Variants in CFAP65 observed in about 807,000 individuals in gnomAD.
The protein encoded by CFAP65 is cilia- and flagella-associated protein 65.
In CFAP65, 155 loss-of-function variants were observed where a neutral mutation model predicts 208.0. That is an observed-to-expected ratio of 0.75 (90% confidence interval 0.65 to 0.85). The LOEUF (loss-of-function observed/expected upper bound fraction) is 0.85. CFAP65 is among the 40% of genes least tolerant of loss of function. The pLI is 0.00. For missense variants in CFAP65, 2,294 were observed against 2,451.3 expected (o/e 0.94, Z 1.36); for synonymous variants, 970 against 986.3 (o/e 0.98, Z 0.31).
chr2:219,006,383 A>T, intron 30 of CFAP65, 82 bp downstream of exon 30: 6 of 1,555,348 alleles, frequency 3.9e-6, no homozygotes, highest in Non-Finnish European at 5.3e-6. Flanking sequence ...AGTCTGGTCC[A>T]GGGGTTGGAG....
In CFAP65 at chr2:219,013,948, C is replaced by A; in HGVS notation, c.3699G>T (p.Gln1233His). 3.1e-6 allele frequency: 5 copies of A among 1,613,850 alleles called. No homozygotes were observed. Among genetic ancestry groups the A allele is most frequent in the Non-Finnish European group, 3.4e-6 (4 of 1,179,926 alleles). ...GGCTGATGGAGAAGAGGCAATTGTC[C>A]TGCACGCGCATCTGGTGGAGCTCAG... Reference protein sequence around the residue: ...NSTELHQMRVQDNCLFSISPK... With the variant: ...NSTELHQMRVHDNCLFSISPK... Residue 1233 changes from glutamine to histidine, a missense_variant, in exon 22 of 35, where the codon CAG (glutamine) becomes CAT (histidine). Coordinates refer to ENST00000341552, the MANE Select transcript of CFAP65 (RefSeq NM_194302.4).
chr2:219,021,360 C>T (rs1574590865), intron 18 of CFAP65, 80 bp from the exon 19 acceptor site: 2 of 1,435,954 alleles, frequency 1.4e-6, no homozygotes, highest in African/African-American at 1.4e-5. Context: ...ATACCCTTCC[C>T]TGGGCACCAG....
Position 219,019,711 on chromosome 2 carries a change from C to T in CFAP65, c.3268G>A (p.Ala1090Thr). ...YSLLSHRDNK[A>T]GEKQELCCVS... is the part of the protein sequence containing the mutation. ...CAGCACAGCTCCTGCTTCTCCCCAG[C>T]CTTGTTATCTGGGGAGGGGGGTGAG... Residue 1090 changes from alanine (A) to threonine (T), a missense_variant, in exon 20 of 35, where the codon GCT becomes ACT. Ala to Thr is a moderately conservative substitution (Grantham distance 58). This residue lies in a region of CFAP65 where 1,427 missense variants were observed against 1,438.7 expected (regional missense o/e 0.99). Transcript: ENST00000341552. 6.2e-7 allele frequency: 1 copy of T among 1,612,940 alleles called. No individual in the cohort carries two copies. Among genetic ancestry groups the T allele is most frequent in the Middle Eastern group, 1.7e-4 (1 of 6,014 alleles).
Position 219,009,965 on chromosome 2 carries a change from GC to G in CFAP65, c.4428del (p.Gln1476HisfsTer5), listed in dbSNP as rs1559120795. 1 of 1,612,122 alleles carries G rather than the reference GC, an allele frequency of 6.2e-7. No homozygotes were observed. Among genetic ancestry groups the G allele is most frequent in the Non-Finnish European group, 8.5e-7 (1 of 1,179,352 alleles). On this transcript the variant is annotated frameshift_variant, in exon 27 of 35. Coordinates refer to ENST00000341552, the MANE Select transcript of CFAP65 (RefSeq NM_194302.4). LOFTEE classifies it high-confidence loss of function. ...SKNEEIAFSW[Q>X]PSPLDFGEVS... is the part of the protein sequence containing the mutation. ...ACCTCCCCAAAATCTAGAGGACTTG[GC>G]TGCCAGGAGAAGGCAATTTCCTCGT...
At chr2:219,040,059 ACT>A (rs1948580845) in intron 2 of CFAP65, among the ~76,000 whole-genome samples, 2 of 150,638 alleles carry the variant, frequency 1.3e-5, no homozygotes, top group Non-Finnish European at 3.0e-5. Flanking sequence ...TTTAAGACAG[ACT>A]CTCATTCTGT....
intron 16 of CFAP65, 26 bp downstream of exon 16, chr2:219,023,181 C>G: frequency 6.3e-7 from 1 of 1,584,374 alleles, no homozygotes; most frequent in Non-Finnish European, 8.6e-7. Flanking sequence ...AGGTTGCCGT[C>G]ACTCGGCAGG....
In CFAP65 at chr2:219,024,112, G is replaced by GC. The variant is rs750848836; in HGVS notation, c.2497dup (p.Ala833GlyfsTer12). 1 of 1,613,920 alleles carries GC rather than the reference G, an allele frequency of 6.2e-7. No individual in the cohort carries two copies. Among genetic ancestry groups the GC allele is most frequent in the African/African-American group, 1.3e-5 (1 of 74,940 alleles). On this transcript the variant is annotated frameshift_variant, in exon 15 of 35. Transcript: ENST00000341552. LOFTEE classifies it high-confidence loss of function. ...GGTGCAGATGAGGATGATCTGGTGG[G>GC]CCCCGGGTGCCACAAGGCCCGAAGT...
At chr2:219,006,873 A>G (rs1289621556) in intron 29 of CFAP65, among the ~76,000 whole-genome samples, 1 of 147,318 alleles carries the variant, frequency 6.8e-6, no homozygotes, top group Non-Finnish European at 1.5e-5. Context: ...GGCTAAAGAG[A>G]CTCCCCCATT....
chr2:219,027,352 A>C, intron 13 of CFAP65: 1 of 1,449,358 alleles, frequency 6.9e-7, no homozygotes, highest in Non-Finnish European at 9.1e-7. Context: ...CCTCCTAGCC[A>C]GGAGCCCCAG....
chr2:219,024,332 T>A lies in CFAP65; in HGVS notation c.2350-72A>T. The A allele has an allele frequency of 2.0e-6, 3 of 1,528,966 alleles. No individual in the cohort carries two copies. The Admixed American group carries it at 5.8e-5, about 30-fold the overall frequency. The allele number at this position is 1,528,966 out of a possible 1,614,324, so 94.7% of individuals were successfully genotyped here. On this transcript the variant is annotated intron_variant, in intron 14 of 34. Coordinates refer to ENST00000341552, the MANE Select transcript of CFAP65 (RefSeq NM_194302.4). ...CCTGGGACACACACTCAGGGCCCTA[T>A]GGGGGCTTGGGAGGAGCTGTCTCCA...
Position 219,019,644 on chromosome 2 carries a change from TC to T in CFAP65, c.3334del (p.Asp1112MetfsTer48). On this transcript the variant is annotated frameshift_variant, in exon 20 of 35. Coordinates refer to ENST00000341552, the MANE Select transcript of CFAP65 (RefSeq NM_194302.4). LOFTEE classifies it high-confidence loss of function. ...CTCAGCACTGCCCATGGAGCTGACA[TC>T]CAGGATGGAAAGCAAGGGGTACACG... The part of the protein sequence containing the change: ...VAVYPLLSIL[D>X]VSSMGSAEGI... The T allele has an allele frequency of 6.2e-7, 1 of 1,613,794 alleles. No homozygotes were observed.
At chr2:219,040,440 G>T (rs974765903) in intron 2 of CFAP65, 79 bp downstream of exon 2, 1 of 809,052 alleles carries the variant, frequency 1.2e-6, no homozygotes, top group Non-Finnish European at 2.1e-6. Context: ...AGATTCAGTC[G>T]TTCGTTCATT....
chr2:219,013,273 G>A lies in CFAP65; in HGVS notation c.3943C>T (p.Leu1315=), dbSNP rs1946608274. The A allele has an allele frequency of 1.2e-6, 2 of 1,612,618 alleles. No individual in the cohort carries two copies. The highest frequency in any genetic ancestry group is 1.3e-5 in the African/African-American group (1 of 74,894). ...QFIPIPIGDT[L]PPRQIYELYN... ...GGACCACTGACCTGCCGTGGGGGTAGCGTGTCACCAATGGGAATGGGGATG... is the reference window on the plus strand; with the variant it reads ...GGACCACTGACCTGCCGTGGGGGTAACGTGTCACCAATGGGAATGGGGATG... The change falls in exon 24 of 35, where the codon CTA becomes TTA. Residue 1315 remains leucine, a synonymous_variant. Coordinates refer to ENST00000341552, the MANE Select transcript of CFAP65 (RefSeq NM_194302.4).
chr2:219,022,195 G>A lies in CFAP65; in HGVS notation c.2955C>T (p.Gly985=), dbSNP rs760871414. 2.4e-5 allele frequency: 38 copies of A among 1,603,022 alleles called. No individual in the cohort carries two copies. Among genetic ancestry groups the A allele is most frequent in the Non-Finnish European group, 3.0e-5 (35 of 1,175,172 alleles). Residue 985 remains glycine, a synonymous_variant, in exon 17 of 35, where the codon GGC becomes GGT. Transcript: ENST00000341552. The stretch of plus-strand genomic sequence containing the variant: ...CAGAGAGGCTGCTGGTGAGCCCAAC[G>A]CCCACCAGCCGGAGCATGTAGTGGG... ...ATTHYMLRLV[G]VGLTSSLSAK... is the part of the protein sequence containing the mutation.
chr2:219,015,136 C>A (rs1443890301), intron 21 of CFAP65: 5 of 148,908 alleles, frequency 3.4e-5, no homozygotes, highest in African/African-American at 1.0e-4. Flanking sequence ...ACGCAACACA[C>A]ACCTGAGGAG....
At chr2:219,021,557 T>TG (rs1335367022) in intron 18 of CFAP65, among the ~76,000 whole-genome samples, 1 of 151,982 alleles carries the variant, frequency 6.6e-6, no homozygotes, top group Non-Finnish European at 1.5e-5. Context: ...GGCTCAGAGG[T>TG]GGGGTCTCGC....
chr2:219,023,999 T>C lies in CFAP65; in HGVS notation c.2595+16A>G. ...CCCATTCCCAAGGACCCAGGTCCCC[T>C]CCCTCTGCCTCCTACCTTGAGATAC... is the stretch of plus-strand genomic sequence containing the variant. On this transcript the variant is annotated intron_variant, in intron 15 of 34. Transcript: ENST00000341552. 3 of 1,608,462 alleles carry C rather than the reference T, an allele frequency of 1.9e-6. No individual in the cohort carries two copies. The highest frequency in any genetic ancestry group is 2.6e-6 in the Non-Finnish European group (3 of 1,176,066).
intron 20 of CFAP65, 32 bp downstream of exon 20, chr2:219,019,474 C>A: frequency 1.3e-6 from 2 of 1,578,330 alleles, no homozygotes; most frequent in East Asian, 2.3e-5. Context: ...GCCCTGCCCC[C>A]AGCCCCCACC....
intron 18 of CFAP65, 126 bp from the exon 19 acceptor site, chr2:219,021,406 G>T: frequency 8.6e-7 from 1 of 1,167,938 alleles, no homozygotes; most frequent in Non-Finnish European, 1.2e-6. Context: ...GAAACAGGGA[G>T]TGGAGCCCCT....
Sources: gnomAD v4.1 joint callset for allele counts (sites outside exome capture counted in the v4.1 genomes callset) on GRCh38, gnomAD v4.1.1 for gene constraint, gnomAD v4.1.1 regional missense constraint, MANE v1.5 for transcripts, NCBI Gene and HGNC (gene_info 2026-07-23, HGNC 2026-07-21) for gene names.